Variants in ODAD3 observed in about 807,000 individuals in gnomAD.
The protein encoded by ODAD3 is outer dynein arm docking complex subunit 3.
Under a neutral mutation model 70.9 loss-of-function variants are expected in ODAD3, and 57 were observed. That is an observed-to-expected ratio of 0.80 (90% CI 0.65 to 1.00). The LOEUF is 1.00. ODAD3 is among the 50% of genes least tolerant of loss of function. The pLI is 0.00. For missense variants in ODAD3, 797 were observed against 763.9 expected, an observed-to-expected ratio of 1.04 and a Z score of -0.51; for synonymous variants, 327 against 315.9, an observed-to-expected ratio of 1.04 and a Z score of -0.37.
chr19:11,424,971 GTA>G (rs1219698831), intron 7 of ODAD3, among the ~76,000 whole-genome samples: 13 of 123,458 alleles, frequency 1.1e-4, no homozygotes, highest in East Asian at 6.8e-4. Flanking sequence ...GTGTATATAT[GTA>G]TATATGTGTA....
intron 7 of ODAD3, among the ~76,000 whole-genome samples, chr19:11,425,300 T>C (rs899090469): frequency 3.8e-5 from 5 of 131,132 alleles, no homozygotes; most frequent in Admixed American, 1.4e-4. Flanking sequence ...TGTGTATATA[T>C]GTGTATGTGT....
chr19:11,425,096 T>TATATATGTATATATGTGTATATGTAC (rs1969268901), intron 7 of ODAD3, among the ~76,000 whole-genome samples: 3 of 133,696 alleles, frequency 2.2e-5, no homozygotes, highest in African/African-American at 9.8e-5. Context: ...TACATATGTG[T>TATATATGTATATATGTGTATATGTAC]ATATATGTAT....
intron 7 of ODAD3, among the ~76,000 whole-genome samples, chr19:11,425,103 GTA>G (rs1173892054): frequency 6.8e-5 from 9 of 131,920 alleles, no homozygotes; most frequent in East Asian, 2.2e-4. Flanking sequence ...GTGTATATAT[GTA>G]TATATGTGTA....
intron 8 of ODAD3, 51 bp downstream of exon 8, chr19:11,423,826 C>T (rs1300664832): frequency 8.0e-6 from 12 of 1,492,292 alleles, no homozygotes; most frequent in African/African-American, 1.8e-5. Context: ...CCCTGGGGCC[C>T]GTCTGGGGTG....
chr19:11,434,512 T>C (rs564305758), intron 1 of ODAD3: 63 of 238,358 alleles, frequency 2.6e-4, no homozygotes, highest in African/African-American at 1.4e-3. Flanking sequence ...CACTCCCACC[T>C]GGCAACAGAG....
rs376292704 is a variant in ODAD3, at chr19:11,423,690, CAGAAA to C, written c.1116+182_1116+186del. Among the ~76,000 whole-genome samples the C allele has an allele frequency of 7.6e-3, 1,149 of 152,168 alleles. 11 individuals carry two copies. The highest frequency in any genetic ancestry group is 0.026 in the African/African-American group (1,088 of 41,506). ...CTAGGGGTTTTGCTGCGAAGGGCAG[CAGAAA>C]AACTGAACGGTAGCTGGAGGGGGAA... On this transcript the variant is annotated intron_variant, in intron 8 of 12. Transcript: ENST00000356392.
In ODAD3 at chr19:11,425,038, CAT is replaced by C. The variant is rs1464848889; in HGVS notation, c.964-1011_964-1010del. Among the ~76,000 whole-genome samples the C allele has an allele frequency of 6.8e-4, 58 of 85,850 alleles. 3 individuals are homozygous for C. Among genetic ancestry groups the C allele is most frequent in the South Asian group, 1.2e-3 (3 of 2,578 alleles). 56.3% of individuals were successfully genotyped at this position (85,850 alleles called of 152,430 possible). ...GTATATATACATATGTGCATATATA[CAT>C]ATGTGTATATATGTGTATATGTGTA... is the stretch of plus-strand genomic sequence containing the variant. On this transcript the variant is annotated intron_variant, in intron 7 of 12. Coordinates refer to ENST00000356392, the MANE Select transcript of ODAD3 (RefSeq NM_145045.5).
At chr19:11,421,082 G>T in intron 12 of ODAD3, 46 bp downstream of exon 12, 1 of 1,602,304 alleles carries the variant, frequency 6.2e-7, no homozygotes, top group Non-Finnish European at 8.5e-7. Context: ...CTGCTACCCA[G>T]CTTGGGGCCC....
Position 11,422,440 on chromosome 19 carries a change from C to A in ODAD3, c.1434+31G>T. 6.5e-7 allele frequency: 1 copy of A among 1,530,402 alleles called. No homozygotes were observed. The allele number at this position is 1,530,402 out of a possible 1,614,324, so 94.8% of individuals were successfully genotyped here. A position where few individuals can be genotyped will look rare whatever the true frequency, so the allele number is the denominator to read the frequency against. On this transcript the variant is annotated intron_variant, in intron 10 of 12. Transcript: ENST00000356392. This position sits in a 1 kb window ranked among gnomAD's most constrained non-coding sequence, Gnocchi z 4.6. ...CTGCGCCTCTGCGGTCCCAGGAGGG[C>A]CTGTCGGGGCTTCCCCTGGGCGGGG...
intron 7 of ODAD3, 143 bp downstream of exon 7, chr19:11,426,001 C>G (rs1969361973): frequency 3.6e-6 from 4 of 1,099,556 alleles, no homozygotes; most frequent in Non-Finnish European, 1.2e-6. Flanking sequence ...GTCTTCGCAC[C>G]AAGTGGGGGT....
chr19:11,427,317 C>T (rs1599463330), intron 3 of ODAD3, among the ~76,000 whole-genome samples: 1 of 149,112 alleles, frequency 6.7e-6, no homozygotes. Flanking sequence ...TTTTTTTAGA[C>T]GGAGTCTTGC....
chr19:11,422,628 C>T lies in ODAD3; in HGVS notation c.1278-1G>A. 6.2e-7 allele frequency: 1 copy of T among 1,601,366 alleles called. No individual in the cohort carries two copies. Among genetic ancestry groups the T allele is most frequent in the Non-Finnish European group, 8.5e-7 (1 of 1,175,870 alleles). On this transcript the variant is annotated splice_acceptor_variant, in intron 9 of 12. Transcript: ENST00000356392. LOFTEE classifies it high-confidence loss of function. The surrounding 1 kb of genome is among the most constrained non-coding windows in gnomAD (Gnocchi z 4.6). ...CGCCTCGGCTTGCAGTTTCTGCTGG[C>T]TGCAGGGAGCCGGGAGGTCACCCCG...
Position 11,435,087 on chromosome 19 carries a change from C to G in ODAD3, c.-71G>C, listed in dbSNP as rs1969639140. 6.6e-7 allele frequency: 1 copy of G among 1,523,004 alleles called. No homozygotes were observed. The allele number at this position is 1,523,004 out of a possible 1,614,324, so 94.3% of individuals were successfully genotyped here. ...GGAGTCAGTCGCCCCTGTCAGGGAT[C>G]CGTCAGCTCGGATTCCTAGGGCTCT... On this transcript the variant is annotated 5_prime_UTR_variant, in exon 1 of 13. Transcript: ENST00000356392.
intron 3 of ODAD3, among the ~76,000 whole-genome samples, chr19:11,427,678 C>T (rs2144774720): frequency 6.6e-6 from 1 of 152,092 alleles, no homozygotes; most frequent in South Asian, 2.1e-4. Flanking sequence ...GACAGGGTTT[C>T]ACCACGTTGA....
Position 11,421,007 on chromosome 19 carries a change from T to C in ODAD3, c.1676-60A>G, listed in dbSNP as rs191744342. ...TGGGATCCAGGTCCCCATCCCTGGC[T>C]CCCCTTCCCTTTACCACCCCACTCC... On this transcript the variant is annotated intron_variant, in intron 12 of 12. Coordinates refer to ENST00000356392, the MANE Select transcript of ODAD3 (RefSeq NM_145045.5). 3.7e-3 allele frequency: 5,908 copies of C among 1,587,582 alleles called. 20 individuals are homozygous for C. Among genetic ancestry groups the C allele is most frequent in the Non-Finnish European group, 4.2e-3 (4,900 of 1,156,612 alleles).
At chr19:11,424,465 C>T (rs965982244) in intron 7 of ODAD3, among the ~76,000 whole-genome samples, 6 of 148,208 alleles carry the variant, frequency 4.0e-5, no homozygotes, top group South Asian at 2.1e-4. Context: ...TTAGTCTGAG[C>T]GACAGAGACC....
In ODAD3 at chr19:11,424,033, C is replaced by T; in HGVS notation, c.964-4G>A. On this transcript the variant is annotated splice_region_variant and splice_polypyrimidine_tract_variant and intron_variant, in intron 7 of 12. Transcript: ENST00000356392. ...GCAGCAGGTGCTCGCGGTGGGTCTG[C>T]TCGTGGGTTGAGGTCAGAGCCAGGG... is the stretch of plus-strand genomic sequence containing the variant. 6.2e-7 allele frequency: 1 copy of T among 1,606,176 alleles called. No homozygotes were observed. The highest frequency in any genetic ancestry group is 8.5e-7 in the Non-Finnish European group (1 of 1,178,868).
At position 11,430,654 on chromosome 19, in the gene ODAD3, C is replaced by CCTGGAGT. The variant is rs1969482555; in HGVS notation, c.444+44_444+45insACTCCAG. The CCTGGAGT allele has an allele frequency of 1.9e-6, 3 of 1,591,308 alleles. No individual in the cohort carries two copies. In the East Asian group the frequency reaches 6.7e-5, roughly 36 times the overall value. On this transcript the variant is annotated intron_variant, in intron 3 of 12. Coordinates refer to ENST00000356392, the MANE Select transcript of ODAD3 (RefSeq NM_145045.5). ...AGCCTGGAGTCCAGTGGTGAGGGGA[C>CCTGGAGT]CCAGGCTGGAAATGAAGGAGGAGGT...
chr19:11,426,882 C>T lies in ODAD3; in HGVS notation c.603G>A (p.Glu201=). Residue 201 remains glutamate, a synonymous_variant, in exon 4 of 13, where the codon GAG becomes GAA. Transcript: ENST00000356392. Reference sequence around the variant, plus strand: ...CCTCACCCGCCCCTACCTTGGCCACCTCCGTGTGTCTGTTTTGCGCCTCCG... The same window carrying T: ...CCTCACCCGCCCCTACCTTGGCCACTTCCGTGTGTCTGTTTTGCGCCTCCG... ...EMAEAQNRHT[E]VAKTMRNLEN... The T allele has an allele frequency of 6.2e-7, 1 of 1,609,438 alleles. No homozygotes were observed. The highest frequency in any genetic ancestry group is 8.5e-7 in the Non-Finnish European group (1 of 1,177,152).
Sources: allele counts gnomAD v4.1 joint callset (sites outside exome capture counted in the v4.1 genomes callset), GRCh38; gene constraint gnomAD v4.1.1; non-coding constraint Gnocchi (gnomAD v3.1); transcripts MANE v1.5; gene names NCBI Gene and HGNC (gene_info 2026-07-23, HGNC 2026-07-21).